The following KIAA1549L variants were observed in gnomAD, a reference collection of about 807,000 sequenced individuals.
The protein encoded by KIAA1549L is KIAA1549 like, also known as UPF0606 protein KIAA1549L.
In KIAA1549L, 88 loss-of-function variants were observed where a neutral mutation model predicts 160.7. That is an observed-to-expected ratio of 0.55 (90% CI 0.46 to 0.65). The LOEUF is 0.65. KIAA1549L is among the 30% of genes least tolerant of loss of function. The pLI is 0.00. For missense variants in KIAA1549L, 2,258 were observed against 2,437.5 expected, an observed-to-expected ratio of 0.93 and a Z score of 1.55; for synonymous variants, 950 against 976.7, an observed-to-expected ratio of 0.97 and a Z score of 0.51.
chr11:33,617,349 T>G (rs1196856491), intron 15 of KIAA1549L, among the ~76,000 whole-genome samples: 1 of 152,184 alleles, frequency 6.6e-6, no homozygotes, highest in African/African-American at 2.4e-5. Context: ...GCCAATCTCC[T>G]CACTATGTTG....
At chr11:33,410,885 G>A (rs373225919) in intron 1 of KIAA1549L, among the ~76,000 whole-genome samples, 5 of 152,230 alleles carry the variant, frequency 3.3e-5, no homozygotes, top group Admixed American at 2.6e-4. Context: ...AAGCCAGGAG[G>A]AAGACAGTTT....
chr11:33,603,820 AG>A, intron 13 of KIAA1549L, among the ~76,000 whole-genome samples: 1 of 151,582 alleles, frequency 6.6e-6, no homozygotes, highest in East Asian at 1.9e-4. Context: ...AAAAAAAGAA[AG>A]AAAAAAGAAG....
chr11:33,596,867 C>G (rs1850215693), intron 12 of KIAA1549L, among the ~76,000 whole-genome samples: 1 of 152,086 alleles, frequency 6.6e-6, no homozygotes, highest in Admixed American at 6.5e-5. Context: ...AGAGTAGGTG[C>G]CATTCACCAG....
intron 10 of KIAA1549L, among the ~76,000 whole-genome samples, chr11:33,577,885 T>A (rs1160385818): frequency 6.6e-6 from 1 of 152,204 alleles, no homozygotes; most frequent in Admixed American, 6.5e-5. Context: ...TGGAGATTTA[T>A]GCACCTGGCT....
chr11:33,665,815 G>A (rs934357243), intron 20 of KIAA1549L, among the ~76,000 whole-genome samples: 1 of 152,150 alleles, frequency 6.6e-6, no homozygotes, highest in African/African-American at 2.4e-5. Context: ...CCCCTACAGG[G>A]GGAAGAGAGA....
chr11:33,406,482 C>T (rs1227918345), intron 1 of KIAA1549L, among the ~76,000 whole-genome samples: 1 of 152,334 alleles, frequency 6.6e-6, no homozygotes, highest in African/African-American at 2.4e-5. Context: ...ATCTTTGGTC[C>T]GAATCCTATC....
chr11:33,585,559 A>G (rs1259571172), intron 11 of KIAA1549L, among the ~76,000 whole-genome samples: 6 of 152,176 alleles, frequency 3.9e-5, no homozygotes. Flanking sequence ...TGTGTATTTC[A>G]TCTTCATCTC....
chr11:33,403,362 GACACATGC>G (rs1850570125), intron 1 of KIAA1549L: 1 of 27,426 alleles, frequency 3.6e-5, no homozygotes, highest in African/African-American at 1.0e-4. Flanking sequence ...GACACACACA[GACACATGC>G]AGACAGACAC....
chr11:33,439,842 T>G (rs1851459573), intron 1 of KIAA1549L, among the ~76,000 whole-genome samples: 5 of 152,084 alleles, frequency 3.3e-5, no homozygotes, highest in Middle Eastern at 3.2e-3. Context: ...TTTCCGGGTA[T>G]GTCTTTCCTC....
intron 1 of KIAA1549L, among the ~76,000 whole-genome samples, chr11:33,456,570 C>A (rs1190547558): frequency 6.6e-6 from 1 of 152,150 alleles, no homozygotes; most frequent in Admixed American, 6.5e-5. Flanking sequence ...GCCACCACCC[C>A]TGGTCAATTT....
At chr11:33,636,529 C>T (rs7116148) in intron 16 of KIAA1549L, among the ~76,000 whole-genome samples, 9,552 of 151,990 alleles carry the variant, frequency 0.063, 444 homozygotes, top group East Asian at 0.19. Context: ...TGGGGTTTCA[C>T]CATGTTGGCC....
Position 33,542,835 on chromosome 11 carries a change from A to G in KIAA1549L, c.1272A>G (p.Ala424=), listed in dbSNP as rs1854073584. 1 of 1,613,876 alleles carries G rather than the reference A, an allele frequency of 6.2e-7. No individual in the cohort carries two copies. The highest frequency in any genetic ancestry group is 8.5e-7 in the Non-Finnish European group (1 of 1,179,864). Residue 424 remains alanine (A), a synonymous_variant, in exon 2 of 21, where the codon GCA becomes GCG. Transcript: ENST00000658780. ...CTGAGCCTCCACTTTTCCAGACTGC[A>G]GAATCAGGGGCCATAGAAATGACCA... is the stretch of plus-strand genomic sequence containing the variant. The part of the protein sequence containing the change: ...HEAEPPLFQT[A]ESGAIEMTSR...
chr11:33,452,628 ATG>A (rs1851744617), intron 1 of KIAA1549L, among the ~76,000 whole-genome samples: 1 of 152,118 alleles, frequency 6.6e-6, no homozygotes, highest in African/African-American at 2.4e-5. Flanking sequence ...GTATGTATGT[ATG>A]TATGTATGTA....
At chr11:33,655,863 CAT>C (rs370150683) in intron 17 of KIAA1549L, 147 bp from the exon 18 acceptor site, 2 of 633,014 alleles carry the variant, frequency 3.2e-6, no homozygotes, top group African/African-American at 3.6e-5. Context: ...TGGCTGGAAA[CAT>C]GTGAGGGAAG....
intron 17 of KIAA1549L, among the ~76,000 whole-genome samples, chr11:33,654,598 C>T (rs1022644461): frequency 2.0e-5 from 3 of 152,202 alleles, no homozygotes; most frequent in Admixed American, 6.5e-5. Flanking sequence ...AGGTGAGTGC[C>T]TCAGGTTCAG....
chr11:33,430,021 T>TCCTC (rs1565132895), intron 1 of KIAA1549L, among the ~76,000 whole-genome samples: 2 of 101,068 alleles, frequency 2.0e-5, no homozygotes, highest in Admixed American at 9.0e-5. Flanking sequence ...CTTCCTTCCT[T>TCCTC]CCTTCCTTCC....
At chr11:33,592,973 C>G (rs966136990) in intron 12 of KIAA1549L, among the ~76,000 whole-genome samples, 1 of 152,130 alleles carries the variant, frequency 6.6e-6, no homozygotes, top group African/African-American at 2.4e-5. Context: ...CTGGCATGAA[C>G]TAGGGAGGAA....
intron 1 of KIAA1549L, among the ~76,000 whole-genome samples, chr11:33,412,374 G>C (rs1384644403): frequency 6.6e-6 from 1 of 152,182 alleles, no homozygotes; most frequent in African/African-American, 2.4e-5. Flanking sequence ...TACATGTATT[G>C]TTCTTGGGAG....
chr11:33,382,980 A>T (rs1387032705), intron 1 of KIAA1549L, among the ~76,000 whole-genome samples: 1 of 152,180 alleles, frequency 6.6e-6, no homozygotes, highest in Admixed American at 6.5e-5. Context: ...ATTAAATATT[A>T]AAAGTACAGT....
Sources: allele counts gnomAD v4.1 joint callset (sites outside exome capture counted in the v4.1 genomes callset), GRCh38; gene constraint gnomAD v4.1.1; transcripts MANE v1.5; gene names NCBI Gene and HGNC (gene_info 2026-07-23, HGNC 2026-07-21).